ZBTB7C: variants seen among roughly 807,000 people sequenced by gnomAD.
ZBTB7C encodes the protein zinc finger and BTB domain containing 7C.
Under a neutral mutation model 25.7 loss-of-function variants are expected in ZBTB7C, and 8 were observed. The observed-to-expected ratio is 0.31, with a 90% CI of 0.18 to 0.56. The LOEUF (loss-of-function observed/expected upper bound fraction) is 0.56, where lower values mean the gene tolerates loss of function less well. ZBTB7C is among the 20% of genes least tolerant of loss of function. ZBTB7C has a pLI of 0.91. For synonymous variants in ZBTB7C, 394 were observed against 369.0 expected, an observed-to-expected ratio of 1.07 and a Z score of -0.78; for missense variants, 824 against 855.2, an observed-to-expected ratio of 0.96 and a Z score of 0.46.
intron 3 of ZBTB7C, among the ~76,000 whole-genome samples, chr18:48,108,961 G>A (rs1409503181): frequency 4.6e-5 from 7 of 152,074 alleles, no homozygotes; most frequent in Non-Finnish European, 7.4e-5. Context: ...TGGAGCACTT[G>A]GGGGTAAGGA....
chr18:48,165,440 A>G, intron 3 of ZBTB7C: 1 of 313,392 alleles, frequency 3.2e-6, no homozygotes, highest in South Asian at 2.6e-5. Flanking sequence ...TTGGGCAGAG[A>G]GAGGGGACCT....
intron 3 of ZBTB7C, among the ~76,000 whole-genome samples, chr18:48,172,373 G>A (rs540766160): frequency 3.8e-4 from 58 of 152,274 alleles, no homozygotes; most frequent in Admixed American, 6.5e-4. Flanking sequence ...GAGGGCTGGC[G>A]GCTGGGAATC....
chr18:48,217,910 C>T (rs1436025674), intron 2 of ZBTB7C, among the ~76,000 whole-genome samples: 3 of 152,070 alleles, frequency 2.0e-5, no homozygotes, highest in South Asian at 2.1e-4. Context: ...ACAACATCAC[C>T]GTCCCAGGGG....
At chr18:48,389,218 CTCTCTCTCTCTCTCTCTCGTGTGTGT>C (rs1362281483) in intron 1 of ZBTB7C, among the ~76,000 whole-genome samples, 20 of 126,818 alleles carry the variant, frequency 1.6e-4, no homozygotes, top group Admixed American at 6.0e-4. Context: ...CTCTCTCTCT[CTCTCTCTCTCTCTCTCTCGTGTGTGT>C]GTGTGTGTGT....
chr18:48,303,818 G>C (rs943558618), intron 2 of ZBTB7C, among the ~76,000 whole-genome samples: 4 of 152,188 alleles, frequency 2.6e-5, no homozygotes, highest in African/African-American at 9.7e-5. Context: ...CCTTTTTCAA[G>C]GTGAAACCAA....
At chr18:48,236,996 G>A (rs908577853) in intron 2 of ZBTB7C, among the ~76,000 whole-genome samples, 1 of 152,192 alleles carries the variant, frequency 6.6e-6, no homozygotes, top group Non-Finnish European at 1.5e-5. Context: ...AAAGGGCAAG[G>A]GTGGTGTTAC....
At chr18:48,121,838 G>T (rs1290219101) in intron 3 of ZBTB7C, among the ~76,000 whole-genome samples, 1 of 152,206 alleles carries the variant, frequency 6.6e-6, no homozygotes, top group African/African-American at 2.4e-5. Context: ...GAGGGAAAAG[G>T]CTGTGCTGGG....
At chr18:48,270,790 T>C (rs1479366361) in intron 2 of ZBTB7C, among the ~76,000 whole-genome samples, 1 of 151,958 alleles carries the variant, frequency 6.6e-6, no homozygotes, top group African/African-American at 2.4e-5. Context: ...TCCGCCCACC[T>C]TGGCCTCCCA....
chr18:48,274,084 T>C (rs760903392), intron 2 of ZBTB7C, among the ~76,000 whole-genome samples: 3 of 152,138 alleles, frequency 2.0e-5, no homozygotes, highest in Non-Finnish European at 4.4e-5. Flanking sequence ...GATACATGTG[T>C]AAAGGAGGTA....
chr18:48,124,448 G>T (rs1467317606), intron 3 of ZBTB7C, among the ~76,000 whole-genome samples: 1 of 152,230 alleles, frequency 6.6e-6, no homozygotes, highest in Non-Finnish European at 1.5e-5. Flanking sequence ...TTTTGCACAT[G>T]CTTTTACTAC....
chr18:48,321,971 C>G (rs1230119997), intron 2 of ZBTB7C, among the ~76,000 whole-genome samples: 2 of 152,246 alleles, frequency 1.3e-5, no homozygotes, highest in African/African-American at 2.4e-5. Context: ...ACCCCATTCA[C>G]AGCGGATCAG....
intron 2 of ZBTB7C, among the ~76,000 whole-genome samples, chr18:48,233,662 G>C (rs544334414): frequency 2.6e-5 from 4 of 152,172 alleles, no homozygotes; most frequent in Non-Finnish European, 5.9e-5. Flanking sequence ...AAGCCAAATC[G>C]ACAGCACTTT....
intron 1 of ZBTB7C, among the ~76,000 whole-genome samples, chr18:48,358,023 G>A (rs1284926232): frequency 1.3e-5 from 2 of 152,162 alleles, no homozygotes; most frequent in Admixed American, 1.3e-4. Context: ...GTGAGTTATT[G>A]CTCTGAGTTC....
Position 48,075,068 on chromosome 18 carries a change from A to T in ZBTB7C, c.-16-33945T>A, listed in dbSNP as rs143524332. ...AGAGAAGAGGGAGGTGGCACAAGGT[A>T]CAAGGAGAGAAAAGAGGCGTTTGGC... On this transcript the variant is annotated intron_variant, in intron 3 of 4. Coordinates refer to ENST00000590800, the MANE Select transcript of ZBTB7C (RefSeq NM_001318841.2). 1.1e-3 allele frequency among the ~76,000 whole-genome samples: 174 copies of T among 152,324 alleles called. 3 individuals are homozygous for T. The East Asian group carries it at 0.021, about 18-fold the overall frequency.
chr18:48,129,674 G>A (rs983908180), intron 3 of ZBTB7C, among the ~76,000 whole-genome samples: 10 of 152,150 alleles, frequency 6.6e-5, no homozygotes, highest in Non-Finnish European at 1.0e-4. Flanking sequence ...GAGAGGCTCC[G>A]GGCACGGCAC....
chr18:48,353,670 G>C (rs1332309250), intron 1 of ZBTB7C, among the ~76,000 whole-genome samples: 1 of 152,190 alleles, frequency 6.6e-6, no homozygotes, highest in African/African-American at 2.4e-5. Context: ...CCTTTCTGGG[G>C]GTGGCGGGGG....
rs141368497 is a variant in ZBTB7C, at chr18:48,040,381, C to T, written c.727G>A (p.Asp243Asn). 87 of 1,611,810 alleles carry T rather than the reference C, an allele frequency of 5.4e-5. No individual in the cohort carries two copies. Among genetic ancestry groups the T allele is most frequent in the Middle Eastern group, 3.3e-4 (2 of 6,068 alleles). Reference protein sequence around the residue: ...ENLYPKANIPDRRPSLSPFAP... With the variant: ...ENLYPKANIPNRRPSLSPFAP... Reference sequence around the variant, plus strand: ...AATGGAGACAAGGAGGGTCTCCTGTCGGGGATGTTGGCCTTGGGGTACAGG... The same window carrying T: ...AATGGAGACAAGGAGGGTCTCCTGTTGGGGATGTTGGCCTTGGGGTACAGG... Residue 243 changes from aspartate (D) to asparagine (N), a missense_variant, in exon 4 of 5, where the codon GAC becomes AAC. By Grantham distance (23) the Asp-to-Asn change is conservative. Around this residue, in one of 4 missense-constraint regions of ZBTB7C, gnomAD observed 316 missense variants for 299.2 expected, o/e 1.06. Coordinates refer to ENST00000590800, the MANE Select transcript of ZBTB7C (RefSeq NM_001318841.2).
chr18:48,175,599 A>G (rs1244056884), intron 3 of ZBTB7C, among the ~76,000 whole-genome samples: 2 of 152,178 alleles, frequency 1.3e-5, no homozygotes, highest in African/African-American at 4.8e-5. Context: ...CCAAGGTGCA[A>G]ATATACCCAG....
At chr18:48,108,547 C>T (rs1348212815) in intron 3 of ZBTB7C, among the ~76,000 whole-genome samples, 1 of 152,182 alleles carries the variant, frequency 6.6e-6, no homozygotes, top group Non-Finnish European at 1.5e-5. Context: ...GATCCTCCTA[C>T]CTCAGCCTCC....
Sources: allele counts gnomAD v4.1 joint callset (sites outside exome capture counted in the v4.1 genomes callset), GRCh38; gene constraint gnomAD v4.1.1; regional missense constraint gnomAD v4.1.1; transcripts MANE v1.5; gene names NCBI Gene and HGNC (gene_info 2026-07-23, HGNC 2026-07-21).